Variants in NF2 observed in about 807,000 individuals in gnomAD.
The protein encoded by NF2 is merlin.
A neutral mutation model predicts 83.7 loss-of-function variants in NF2; 8 were observed. The observed-to-expected ratio is 0.10, with a 90% CI of 0.06 to 0.17. The LOEUF is 0.17. NF2 is among the 10% of genes least tolerant of loss of function. The pLI is 1.00. For missense variants in NF2, 533 were observed against 744.4 expected, an observed-to-expected ratio of 0.72 and a Z score of 3.31; for synonymous variants, 266 against 269.6, an observed-to-expected ratio of 0.99 and a Z score of 0.13.
chr22:29,613,430 C>T (rs1482368313), intron 1 of NF2, among the ~76,000 whole-genome samples: 1 of 152,056 alleles, frequency 6.6e-6, no homozygotes, highest in East Asian at 1.9e-4. Context: ...CTTGGGAGGG[C>T]TGAGGCACAA....
In NF2 at chr22:29,694,604, C is replaced by CT; in HGVS notation, c.1738-147dup. 13 of 800,814 alleles carry CT rather than the reference C, an allele frequency of 1.6e-5. No homozygotes were observed. In the South Asian group the frequency reaches 1.9e-4, roughly 12 times the overall value. The allele number at this position is 800,814 out of a possible 1,614,324, so 49.6% of individuals were successfully genotyped here. A position where few individuals can be genotyped will look rare whatever the true frequency, so the allele number is the denominator to read the frequency against. ...GGCAAATCTGGCCGCTTATTTGGGACTGACAGCCAACTTCTTGAGCATCTA... is the reference window on the plus strand; with the variant it reads ...GGCAAATCTGGCCGCTTATTTGGGACTTGACAGCCAACTTCTTGAGCATCTA... On this transcript the variant is annotated intron_variant, in intron 15 of 15. Coordinates refer to ENST00000338641, the MANE Select transcript of NF2 (RefSeq NM_000268.4). The surrounding 1 kb of genome is among the most constrained non-coding windows in gnomAD (Gnocchi z 4.1).
chr22:29,694,070 G>C lies in NF2; in HGVS notation c.1738-682G>C, dbSNP rs985121968. 6.6e-6 allele frequency among the ~76,000 whole-genome samples: 1 copy of C among 152,170 alleles called. No homozygotes were observed. Among genetic ancestry groups the C allele is most frequent in the African/African-American group, 2.4e-5 (1 of 41,444 alleles). On this transcript the variant is annotated intron_variant, in intron 15 of 15. Transcript: ENST00000338641. The surrounding 1 kb of genome is among the most constrained non-coding windows in gnomAD (Gnocchi z 4.1). The stretch of plus-strand genomic sequence containing the variant: ...ACCCCATCCCCTTCCACATCTCCCT[G>C]ACTGTCCTTCTTTACATTTGCTGGG...
At chr22:29,609,995 G>C (rs749696701) in intron 1 of NF2, among the ~76,000 whole-genome samples, 1 of 151,828 alleles carries the variant, frequency 6.6e-6, no homozygotes, top group South Asian at 2.1e-4. Flanking sequence ...ATATAAGTTT[G>C]GGTAGGATAG....
In NF2 at chr22:29,697,372, G is replaced by A; in HGVS notation, c.*2570G>A. Reference sequence around the variant, plus strand: ...CCTGGGGCTCCAGGGAGCAGGCTGGGAACTGCAGGACCTTGCTCAGCCAGG... The same window carrying A: ...CCTGGGGCTCCAGGGAGCAGGCTGGAAACTGCAGGACCTTGCTCAGCCAGG... On this transcript the variant is annotated 3_prime_UTR_variant, in exon 16 of 16. Transcript: ENST00000338641. The A allele has an allele frequency of 5.1e-6, 1 of 196,786 alleles. No individual in the cohort carries two copies. Among genetic ancestry groups the A allele is most frequent in the Non-Finnish European group, 1.1e-5 (1 of 94,804 alleles). 12.2% of individuals were successfully genotyped at this position (196,786 alleles called of 1,614,324 possible). A position where few individuals can be genotyped will look rare whatever the true frequency, so the allele number is the denominator to read the frequency against.
At chr22:29,624,301 G>A (rs562914052) in intron 1 of NF2, among the ~76,000 whole-genome samples, 8 of 152,108 alleles carry the variant, frequency 5.3e-5, no homozygotes, top group African/African-American at 1.7e-4. Context: ...TTTGCCTCCC[G>A]GGTTCAAGCG....
Position 29,696,602 on chromosome 22 carries a change from C to T in NF2, c.*1800C>T, listed in dbSNP as rs1601692370. The T allele has an allele frequency of 9.4e-6, 2 of 213,812 alleles. No individual in the cohort carries two copies. Among genetic ancestry groups the T allele is most frequent in the East Asian group, 6.9e-5 (1 of 14,564 alleles). 13.2% of individuals were successfully genotyped at this position (213,812 alleles called of 1,614,324 possible). ...GCTGACCTAATGGGGTTGGGCTGCT[C>T]GGCAACTGCTTGGGTCACCTTGCCC... On this transcript the variant is annotated 3_prime_UTR_variant, in exon 16 of 16. Transcript: ENST00000338641.
intron 10 of NF2, among the ~76,000 whole-genome samples, chr22:29,671,537 A>G (rs928123194): frequency 2.0e-5 from 3 of 151,804 alleles, no homozygotes; most frequent in Admixed American, 1.3e-4. Flanking sequence ...CCCTCCACCA[A>G]AAAAAAAGAA....
intron 1 of NF2, among the ~76,000 whole-genome samples, chr22:29,620,152 C>T (rs954213392): frequency 5.3e-5 from 8 of 151,922 alleles, no homozygotes; most frequent in East Asian, 1.9e-4. Context: ...CCAGCTACTC[C>T]GGAGGTTGAG....
Position 29,664,482 on chromosome 22 carries a change from C to T in NF2, c.811-508C>T, listed in dbSNP as rs1218617662. Among the ~76,000 whole-genome samples the T allele has an allele frequency of 2.6e-5, 4 of 151,986 alleles. No homozygotes were observed. The East Asian group carries it at 7.7e-4, about 29-fold the overall frequency. On this transcript the variant is annotated intron_variant, in intron 8 of 15. Coordinates refer to ENST00000338641, the MANE Select transcript of NF2 (RefSeq NM_000268.4). ...GCCCCTTCACCTGCCTTTTAGCTAC[C>T]CTGTTGGATTGTTCTTCTAAGATCA...
chr22:29,608,172 C>CA (rs570144418), intron 1 of NF2, among the ~76,000 whole-genome samples: 13,068 of 31,868 alleles, frequency 0.41, 3,806 homozygotes, highest in East Asian at 0.66. Flanking sequence ...GACTCTGTCT[C>CA]AAAAAAAAAA....
At chr22:29,635,893 A>G (rs1348424519) in intron 1 of NF2, among the ~76,000 whole-genome samples, 1 of 152,172 alleles carries the variant, frequency 6.6e-6, no homozygotes, top group Non-Finnish European at 1.5e-5. Context: ...AGCAGCAACT[A>G]AGGGGTTGTA....
At chr22:29,656,149 G>A (rs1384284565) in intron 6 of NF2, among the ~76,000 whole-genome samples, 7 of 151,876 alleles carry the variant, frequency 4.6e-5, no homozygotes, top group Non-Finnish European at 8.8e-5. Flanking sequence ...ATGTTACCCA[G>A]GCTGGTCTTC....
chr22:29,697,166 C>T lies in NF2; in HGVS notation c.*2364C>T, dbSNP rs1457604646. The T allele has an allele frequency of 5.0e-6, 1 of 201,408 alleles. No individual in the cohort carries two copies. The highest frequency in any genetic ancestry group is 1.0e-5 in the Non-Finnish European group (1 of 97,578). The allele number at this position is 201,408 out of a possible 1,614,324, so 12.5% of individuals were successfully genotyped here. ...CTGGATTTCCACCAGGAGTTACTTT[C>T]CTCCTGACCTGTAAATTTGTTCTTT... On this transcript the variant is annotated 3_prime_UTR_variant, in exon 16 of 16. Coordinates refer to ENST00000338641, the MANE Select transcript of NF2 (RefSeq NM_000268.4).
chr22:29,668,360 G>C lies in NF2; in HGVS notation c.913G>C (p.Asp305His). 6.2e-7 allele frequency: 1 copy of C among 1,613,834 alleles called. No individual in the cohort carries two copies. The highest frequency in any genetic ancestry group is 8.5e-7 in the Non-Finnish European group (1 of 1,179,808). ...LILQLCIGNHDLFMRRRKADS... is the reference protein window; with the variant it reads ...LILQLCIGNHHLFMRRRKADS... Reference sequence around the variant, plus strand: ...TCTCCAGCTATGTATCGGGAACCATGATCTATTTATGAGGAGAAGGAAAGC... The same window carrying C: ...TCTCCAGCTATGTATCGGGAACCATCATCTATTTATGAGGAGAAGGAAAGC... Residue 305 changes from aspartate to histidine, a missense_variant, in exon 10 of 16, where the codon GAT (aspartate) becomes CAT (histidine). Transcript: ENST00000338641.
At chr22:29,649,507 G>C (rs1432322585) in intron 4 of NF2, among the ~76,000 whole-genome samples, 3 of 152,178 alleles carry the variant, frequency 2.0e-5, no homozygotes, top group African/African-American at 7.2e-5. Flanking sequence ...TTCGAGACCT[G>C]CCTGGGCAAT....
At chr22:29,631,394 C>A (rs988848047) in intron 1 of NF2, among the ~76,000 whole-genome samples, 10 of 152,166 alleles carry the variant, frequency 6.6e-5, no homozygotes, top group African/African-American at 2.4e-4. Context: ...GTTGTGTTGC[C>A]ACTGTACCCT....
intron 9 of NF2, among the ~76,000 whole-genome samples, chr22:29,667,781 A>G (rs1454465461): frequency 1.3e-5 from 2 of 152,162 alleles, no homozygotes; most frequent in South Asian, 2.1e-4. Flanking sequence ...AGACAAATAT[A>G]TACATTTTTT....
Position 29,603,770 on chromosome 22 carries a change from TGTGCCCTCCCTGCAGCCGTCAG to T in NF2, c.-227_-206del. ...CGCCTGCACCGAAGGTCCCGGCTCC[TGTGCCCTCCCTGCAGCCGTCAG>T]GGCCCGTCCCCCAACTCCCCTTTCC... On this transcript the variant is annotated 5_prime_UTR_variant, in exon 1 of 16. Coordinates refer to ENST00000338641, the MANE Select transcript of NF2 (RefSeq NM_000268.4). 1.8e-6 allele frequency: 1 copy of T among 545,592 alleles called. No homozygotes were observed. Among genetic ancestry groups the T allele is most frequent in the Non-Finnish European group, 3.2e-6 (1 of 311,860 alleles). 33.8% of individuals were successfully genotyped at this position (545,592 alleles called of 1,614,324 possible).
At chr22:29,671,728 C>G in intron 10 of NF2, 98 bp from the exon 11 acceptor site, 1 of 1,573,856 alleles carries the variant, frequency 6.4e-7, no homozygotes, top group East Asian at 2.3e-5. Flanking sequence ...AAAAAGGTCC[C>G]AAAAGGGGAG....
Sources: allele counts gnomAD v4.1 joint callset (sites outside exome capture counted in the v4.1 genomes callset), GRCh38; gene constraint gnomAD v4.1.1; non-coding constraint Gnocchi (gnomAD v3.1); transcripts MANE v1.5; gene names NCBI Gene and HGNC (gene_info 2026-07-23, HGNC 2026-07-21).